Variants in FAS observed in about 807,000 individuals in gnomAD.
FAS encodes Fas cell surface death receptor.
In FAS, 5 loss-of-function variants were observed where a neutral mutation model predicts 33.2. That is an observed-to-expected ratio of 0.15 (90% CI 0.08 to 0.32). The LOEUF (loss-of-function observed/expected upper bound fraction) is 0.32. Ranked by LOEUF, FAS falls within the 10% of genes least tolerant of loss-of-function variation. The pLI, the probability that FAS is intolerant of heterozygous loss-of-function variation, is 1.00. For missense variants in FAS, 339 were observed against 386.0 expected (o/e 0.88, Z 1.02); for synonymous variants, 131 against 130.7 (o/e 1.00, Z -0.01).
intron 1 of FAS, among the ~76,000 whole-genome samples, chr10:88,972,847 TCTGATTGTTTTTCCAGTGTCTACTTAA>T (rs1225052613): frequency 6.6e-6 from 1 of 152,320 alleles, no homozygotes; most frequent in African/African-American, 2.4e-5. Context: ...TTAATCTGTT[TCTGATTGTTTTTCCAGTGTCTACTTAA>T]CTGAGACTCT....
At chr10:88,995,906 A>G (rs1185592598) in intron 1 of FAS, among the ~76,000 whole-genome samples, 1 of 152,232 alleles carries the variant, frequency 6.6e-6, no homozygotes, top group East Asian at 1.9e-4. Context: ...TACAAATTCA[A>G]TCAGCAGATG....
chr10:88,965,623 G>A (rs763183144), intron 1 of FAS, among the ~76,000 whole-genome samples: 5 of 151,604 alleles, frequency 3.3e-5, no homozygotes, highest in Non-Finnish European at 7.4e-5. Context: ...AGGTCCTCGG[G>A]CAAACAGGTT....
chr10:88,985,548 A>G (rs1285875921), upstream of FAS, among the ~76,000 whole-genome samples: 1 of 152,128 alleles, frequency 6.6e-6, no homozygotes, highest in Admixed American at 6.5e-5. Flanking sequence ...CTATCTCTGC[A>G]GGACTCCCTG....
intron 2 of FAS, among the ~76,000 whole-genome samples, chr10:88,979,631 C>T (rs1213488370): frequency 2.6e-5 from 4 of 151,528 alleles, no homozygotes; most frequent in African/African-American, 7.3e-5. Context: ...TTTAACAAGT[C>T]TACATAACCT....
intron 2 of FAS, among the ~76,000 whole-genome samples, chr10:88,979,360 C>T (rs1228111936): frequency 6.6e-6 from 1 of 152,136 alleles, no homozygotes; most frequent in Admixed American, 6.5e-5. Flanking sequence ...TGGCTCACCA[C>T]AGACCAGATT....
chr10:88,995,207 C>T (rs1019878451), intron 1 of FAS, among the ~76,000 whole-genome samples: 2 of 152,144 alleles, frequency 1.3e-5, no homozygotes, highest in Non-Finnish European at 2.9e-5. Flanking sequence ...ACTTCTAACA[C>T]CAATTAAATA....
At chr10:88,987,402 G>C (rs1271417609), upstream of FAS, among the ~76,000 whole-genome samples, 1 of 152,122 alleles carries the variant, frequency 6.6e-6, no homozygotes, top group Non-Finnish European at 1.5e-5. Context: ...GGTGGTCCAG[G>C]GTTCAATTTC....
upstream of FAS, among the ~76,000 whole-genome samples, chr10:88,988,764 A>G (rs1846998497): frequency 6.6e-6 from 1 of 152,212 alleles, no homozygotes; most frequent in Non-Finnish European, 1.5e-5. Context: ...TCTTCAAAGG[A>G]TTCCAAAGGC....
intron 1 of FAS, among the ~76,000 whole-genome samples, chr10:88,971,019 A>C (rs1846433405): frequency 6.6e-6 from 1 of 152,220 alleles, no homozygotes; most frequent in African/African-American, 2.4e-5. Flanking sequence ...AATAATACTA[A>C]GATGTAAAGG....
At chr10:88,967,580 C>G (rs980337998) in intron 1 of FAS, among the ~76,000 whole-genome samples, 10 of 152,168 alleles carry the variant, frequency 6.6e-5, no homozygotes, top group African/African-American at 2.4e-4. Flanking sequence ...TTATTACCTG[C>G]AACGCAGCTT....
intron 2 of FAS, among the ~76,000 whole-genome samples, chr10:89,007,016 C>A (rs1040008486): frequency 1.3e-5 from 2 of 152,116 alleles, no homozygotes; most frequent in Non-Finnish European, 2.9e-5. Flanking sequence ...CATATCCTGT[C>A]TTTTGATGAA....
At position 89,015,153 on chromosome 10, in the gene FAS, G is replaced by T; in HGVS notation, c.*703G>T. ...TCAAAACTACCTACTTCTTTCTCAG[G>T]CATCAAAAGCATTTTGAGCAGGAGA... On this transcript the variant is annotated 3_prime_UTR_variant, in exon 9 of 9. Transcript: ENST00000652046. The T allele has an allele frequency of 1.9e-6, 1 of 534,682 alleles. No individual in the cohort carries two copies. The highest frequency in any genetic ancestry group is 3.6e-6 in the Non-Finnish European group (1 of 276,642). 33.1% of individuals were successfully genotyped at this position (534,682 alleles called of 1,614,324 possible). A position where few individuals can be genotyped will look rare whatever the true frequency, so the allele number is the denominator to read the frequency against.
chr10:88,992,337 T>G (rs1847288070), intron 1 of FAS: 1 of 152,234 alleles, frequency 6.6e-6, no homozygotes, highest in East Asian at 1.9e-4. Flanking sequence ...GGCCACACTC[T>G]TCTCTCTCTT....
Position 89,014,315 on chromosome 10 carries a change from T to C in FAS, c.873T>C (p.Tyr291=). ...WHQLHGKKEA[Y]DTLIKDLKKA... is the part of the protein sequence containing the mutation. ...AACTTCATGGAAAGAAAGAAGCGTA[T>C]GACACATTGATTAAAGATCTCAAAA... is the stretch of plus-strand genomic sequence containing the variant. The change falls in exon 9 of 9, where the codon TAT becomes TAC. Residue 291 remains tyrosine, a synonymous_variant. Transcript: ENST00000652046. The C allele has an allele frequency of 6.2e-7, 1 of 1,613,958 alleles. No individual in the cohort carries two copies. The highest frequency in any genetic ancestry group is 8.5e-7 in the Non-Finnish European group (1 of 1,179,942).
At chr10:88,979,150 G>A (rs1846646556) in intron 2 of FAS, among the ~76,000 whole-genome samples, 1 of 152,056 alleles carries the variant, frequency 6.6e-6, no homozygotes, top group Non-Finnish European at 1.5e-5. Flanking sequence ...TAAAATTATA[G>A]ATTCTTTAGC....
At chr10:88,985,552 C>T (rs924209367), upstream of FAS, among the ~76,000 whole-genome samples, 1 of 152,192 alleles carries the variant, frequency 6.6e-6, no homozygotes, top group Non-Finnish European at 1.5e-5. Flanking sequence ...CTCTGCAGGA[C>T]TCCCTGTAGT....
rs1237891648 is a variant in FAS, at chr10:89,014,435, C to T, written c.993C>T (p.Ile331=). 1.4e-5 allele frequency: 22 copies of T among 1,609,938 alleles called. No individual in the cohort carries two copies. Among genetic ancestry groups the T allele is most frequent in the Non-Finnish European group, 1.9e-5 (22 of 1,179,862 alleles). The part of the protein sequence containing the change: ...DSENSNFRNE[I]QSLV The stretch of plus-strand genomic sequence containing the variant: ...AAAATTCAAACTTCAGAAATGAAAT[C>T]CAAAGCTTGGTCTAGAGTGAAAAAC... The change falls in exon 9 of 9, where the codon ATC becomes ATT. Residue 331 remains isoleucine, a synonymous_variant. Transcript: ENST00000652046.
intron 7 of FAS, 59 bp from the exon 8 acceptor site, chr10:89,013,284 G>C: frequency 1.3e-6 from 2 of 1,519,694 alleles, no homozygotes; most frequent in Non-Finnish European, 9.1e-7. Flanking sequence ...TTCACATTTA[G>C]AATATTCTAA....
At chr10:89,002,936 G>T in intron 1 of FAS, 93 bp from the exon 2 acceptor site, 1 of 1,367,740 alleles carries the variant, frequency 7.3e-7, no homozygotes, top group Non-Finnish European at 1.0e-6. Context: ...CCTGTGCACA[G>T]CAGATACTGC....
Sources: allele counts gnomAD v4.1 joint callset (sites outside exome capture counted in the v4.1 genomes callset), GRCh38; gene constraint gnomAD v4.1.1; transcripts MANE v1.5; gene names NCBI Gene and HGNC (gene_info 2026-07-23, HGNC 2026-07-21).